Variants in SLC35F3 observed in about 807,000 individuals in gnomAD.
SLC35F3 encodes the protein solute carrier family 35 member F3.
Under a neutral mutation model 49.9 loss-of-function variants are expected in SLC35F3, and 25 were observed. That is an observed-to-expected ratio of 0.50 (90% CI 0.37 to 0.70). The LOEUF (loss-of-function observed/expected upper bound fraction) is 0.70, where lower values mean the gene tolerates loss of function less well. Among genes scored for constraint, SLC35F3 ranks in the 30% least tolerant of loss-of-function variants. The pLI is 0.00. For synonymous variants in SLC35F3, 275 were observed against 265.4 expected, an observed-to-expected ratio of 1.04 and a Z score of -0.35; for missense variants, 525 against 639.8, an observed-to-expected ratio of 0.82 and a Z score of 1.94.
chr1:234,226,610 C>T (rs1260682689), intron 2 of SLC35F3, among the ~76,000 whole-genome samples: 1 of 151,180 alleles, frequency 6.6e-6, no homozygotes, highest in African/African-American at 2.4e-5. Context: ...CAGTGGACAG[C>T]TCATGGGACT....
intron 3 of SLC35F3, among the ~76,000 whole-genome samples, chr1:234,292,418 A>G (rs1192531804): frequency 6.6e-6 from 1 of 152,236 alleles, no homozygotes; most frequent in Non-Finnish European, 1.5e-5. Flanking sequence ...TTTATATCCT[A>G]CTGCTCAAGG....
chr1:233,995,081 G>T (rs545177647), intron 2 of SLC35F3, among the ~76,000 whole-genome samples: 62 of 152,344 alleles, frequency 4.1e-4, no homozygotes, highest in Non-Finnish European at 7.5e-4. Flanking sequence ...TGTGTGCAAT[G>T]CACAGCACAA....
intron 2 of SLC35F3, among the ~76,000 whole-genome samples, chr1:233,997,487 AATG>A (rs1192616795): frequency 3.9e-5 from 6 of 152,208 alleles, no homozygotes; most frequent in African/African-American, 1.4e-4. Flanking sequence ...GCATTTCTCC[AATG>A]ATGAGTGAGG....
At chr1:234,170,278 G>T (rs1666380672) in intron 2 of SLC35F3, among the ~76,000 whole-genome samples, 1 of 152,162 alleles carries the variant, frequency 6.6e-6, no homozygotes, top group Non-Finnish European at 1.5e-5. Context: ...ATAGAGGGGG[G>T]CACGGCAGCT....
chr1:234,070,743 C>G (rs2358198), intron 2 of SLC35F3, among the ~76,000 whole-genome samples: 57,252 of 144,198 alleles, frequency 0.4, 12,909 homozygotes, highest in African/African-American at 0.65. Context: ...AAGAATTTGT[C>G]TATTTCCTGC....
chr1:234,286,470 T>C (rs1299391082), intron 3 of SLC35F3, among the ~76,000 whole-genome samples: 1 of 152,242 alleles, frequency 6.6e-6, no homozygotes, highest in Non-Finnish European at 1.5e-5. Flanking sequence ...CCGTGAGTTA[T>C]GTGCATGATA....
At chr1:234,207,937 A>G (rs1486959073) in intron 2 of SLC35F3, among the ~76,000 whole-genome samples, 1 of 152,186 alleles carries the variant, frequency 6.6e-6, no homozygotes, top group Non-Finnish European at 1.5e-5. Flanking sequence ...TGAGCCTAGG[A>G]GTTCAAGGCT....
intron 2 of SLC35F3, among the ~76,000 whole-genome samples, chr1:234,066,234 T>G (rs1423073144): frequency 1.3e-5 from 2 of 152,196 alleles, no homozygotes; most frequent in Non-Finnish European, 2.9e-5. Flanking sequence ...TGCTCAAGCC[T>G]TTTGTCAGCA....
chr1:234,166,692 A>C (rs949096214), intron 2 of SLC35F3, among the ~76,000 whole-genome samples: 12 of 152,204 alleles, frequency 7.9e-5, no homozygotes, highest in African/African-American at 2.7e-4. Context: ...AGGGAGCAGG[A>C]AGGCCCTCTA....
At position 234,271,867 on chromosome 1, in the gene SLC35F3, G is replaced by T. The variant is rs535604482; in HGVS notation, c.609-37234G>T. On this transcript the variant is annotated intron_variant, in intron 3 of 7. Transcript: ENST00000366618. ...AGGCCAGATGCAGTGGCTCAGGTCT[G>T]TAATCCCAGAACTTTGGGAGGCGAA... Among the ~76,000 whole-genome samples, 5 of 152,308 alleles carry T rather than the reference G, an allele frequency of 3.3e-5. No homozygotes were observed. In the South Asian group the frequency reaches 8.3e-4, roughly 25 times the overall value.
At chr1:233,967,369 CTT>C (rs1218532437) in intron 2 of SLC35F3, among the ~76,000 whole-genome samples, 1 of 152,098 alleles carries the variant, frequency 6.6e-6, no homozygotes, top group African/African-American at 2.4e-5. Flanking sequence ...GTAGTTTTAA[CTT>C]TACCTTATTA....
intron 2 of SLC35F3, among the ~76,000 whole-genome samples, chr1:234,182,631 T>G (rs547120660): frequency 4.6e-5 from 7 of 152,366 alleles, no homozygotes; most frequent in Admixed American, 1.3e-4. Context: ...ATCATTTTTC[T>G]GGACAATGCC....
intron 2 of SLC35F3, among the ~76,000 whole-genome samples, chr1:234,223,071 TC>T (rs756110813): frequency 2.0e-5 from 3 of 152,078 alleles, no homozygotes; most frequent in Non-Finnish European, 4.4e-5. Flanking sequence ...CGCTGACTCT[TC>T]CCCCAGGGCA....
intron 2 of SLC35F3, among the ~76,000 whole-genome samples, chr1:234,188,505 T>G (rs952694452): frequency 6.6e-6 from 1 of 152,120 alleles, no homozygotes; most frequent in Non-Finnish European, 1.5e-5. Context: ...TCTATTGACC[T>G]GGAACCACAC....
At chr1:234,170,631 C>G (rs1413490052) in intron 2 of SLC35F3, among the ~76,000 whole-genome samples, 4 of 152,068 alleles carry the variant, frequency 2.6e-5, no homozygotes, top group African/African-American at 4.8e-5. Context: ...TCCTAAGGCT[C>G]CAGGATTTAA....
intron 2 of SLC35F3, among the ~76,000 whole-genome samples, chr1:233,935,754 G>A (rs1219105640): frequency 1.3e-5 from 2 of 152,158 alleles, no homozygotes; most frequent in Non-Finnish European, 2.9e-5. Context: ...CCGAGTGCAA[G>A]CTTCCCTGTG....
At chr1:234,285,810 C>T (rs942172184) in intron 3 of SLC35F3, among the ~76,000 whole-genome samples, 1 of 152,142 alleles carries the variant, frequency 6.6e-6, no homozygotes, top group Non-Finnish European at 1.5e-5. Flanking sequence ...CACTGTGTAA[C>T]TGAACTCCAG....
intron 3 of SLC35F3, among the ~76,000 whole-genome samples, chr1:234,243,368 T>G (rs904871504): frequency 1.3e-5 from 2 of 152,114 alleles, no homozygotes; most frequent in Non-Finnish European, 2.9e-5. Context: ...AATAAAGTGT[T>G]ACTGGGGGTA....
At chr1:234,131,721 G>A (rs1479307831) in intron 2 of SLC35F3, among the ~76,000 whole-genome samples, 1 of 152,190 alleles carries the variant, frequency 6.6e-6, no homozygotes, top group African/African-American at 2.4e-5. Context: ...CTCACTGTGT[G>A]TCTTTCTCCT....
Sources: allele counts gnomAD v4.1 joint callset (sites outside exome capture counted in the v4.1 genomes callset), GRCh38; gene constraint gnomAD v4.1.1; transcripts MANE v1.5; gene names NCBI Gene and HGNC (gene_info 2026-07-23, HGNC 2026-07-21).